GUK1: variants seen among roughly 807,000 people sequenced by gnomAD.
The protein encoded by GUK1 is guanylate kinase 1, also known as guanylate kinase.
GUK1 carries 18 observed loss-of-function variants against 25.2 expected under a neutral mutation model. That is an observed-to-expected ratio of 0.71 (90% CI 0.49 to 1.06). GUK1 has a LOEUF of 1.06. GUK1 is among the 50% of genes least tolerant of loss of function. The pLI, the probability that GUK1 is intolerant of heterozygous loss-of-function variation, is 0.00. For missense variants in GUK1, 261 were observed against 276.7 expected (o/e 0.94, Z 0.40); for synonymous variants, 105 against 117.6 (o/e 0.89, Z 0.69).
Position 228,148,752 on chromosome 1 carries a change from T to C in GUK1, c.*55T>C, listed in dbSNP as rs370109648. Reference sequence around the variant, plus strand: ...CCCATACAGGACCAGGGCAGCAGCATTGAGCCACCCCCTTGGCAGGCGATA... The same window carrying C: ...CCCATACAGGACCAGGGCAGCAGCACTGAGCCACCCCCTTGGCAGGCGATA... On this transcript the variant is annotated 3_prime_UTR_variant, in exon 9 of 9. Transcript: ENST00000312726. 6.2e-6 allele frequency: 10 copies of C among 1,611,542 alleles called. No homozygotes were observed. In the East Asian group the frequency reaches 1.1e-4, roughly 18 times the overall value.
chr1:228,145,483 T>C (rs1310357400), intron 2 of GUK1, 28 bp from the exon 2 acceptor site: 1 of 1,585,410 alleles, frequency 6.3e-7, no homozygotes, highest in East Asian at 2.3e-5. Flanking sequence ...GCCGCACTGC[T>C]ATCCACAGCC....
Position 228,147,078 on chromosome 1 carries a change from C to T in GUK1, c.251+140C>T, listed in dbSNP as rs1163391524. ...GGCCAGGTTGTGGCCCAGGGCCAGGCTCCCACGTCTGTGGCCCACAGTGGC... is the reference window on the plus strand; with the variant it reads ...GGCCAGGTTGTGGCCCAGGGCCAGGTTCCCACGTCTGTGGCCCACAGTGGC... On this transcript the variant is annotated intron_variant, in intron 5 of 8. Transcript: ENST00000312726. 7.3e-6 allele frequency: 5 copies of T among 686,420 alleles called. No individual in the cohort carries two copies. In the East Asian group the frequency reaches 1.3e-4, roughly 18 times the overall value. 42.5% of individuals were successfully genotyped at this position (686,420 alleles called of 1,614,324 possible). A position where few individuals can be genotyped will look rare whatever the true frequency, so the allele number is the denominator to read the frequency against.
chr1:228,146,279 C>T, intron 4 of GUK1: 2 of 569,460 alleles, frequency 3.5e-6, no homozygotes, highest in East Asian at 2.9e-5. Context: ...GAGAGGCCGG[C>T]CAAGGCCTGG....
intron 7 of GUK1, 89 bp from the exon 7 acceptor site, chr1:228,148,282 C>T: frequency 1.1e-6 from 1 of 939,586 alleles, no homozygotes; most frequent in Non-Finnish European, 1.7e-6. Flanking sequence ...AGGACAGCCG[C>T]AGGCCAGTGG....
chr1:228,140,624 C>G (rs557108776), intron 1 of GUK1, among the ~76,000 whole-genome samples: 30 of 152,360 alleles, frequency 2.0e-4, no homozygotes, highest in Admixed American at 5.2e-4. Flanking sequence ...CGAGCTGCTC[C>G]CCGGGCGTAT....
At chr1:228,147,008 C>A in intron 5 of GUK1, 70 bp downstream of exon 4, 1 of 1,028,996 alleles carries the variant, frequency 9.7e-7, no homozygotes, top group Non-Finnish European at 1.5e-6. Flanking sequence ...GTAGTGCCTG[C>A]TGCCTGCCCG....
rs1001675884 is a variant in GUK1 at position 228,141,223 on chromosome 1, C to T, written c.-68C>T. 6.9e-5 allele frequency: 68 copies of T among 984,984 alleles called. No individual in the cohort carries two copies. In the African/African-American group the frequency reaches 1.1e-3, roughly 16 times the overall value. 61.0% of individuals were successfully genotyped at this position (984,984 alleles called of 1,614,324 possible). A position where few individuals can be genotyped will look rare whatever the true frequency, so the allele number is the denominator to read the frequency against. On this transcript the variant is annotated 5_prime_UTR_variant, in exon 2 of 9. Transcript: ENST00000312726. ...ATGGACAGACCCAAACATAGCCGCG[C>T]AGCATCGTGAAGGGCTGGGGCCTTC...
intron 5 of GUK1, 90 bp downstream of exon 4, chr1:228,147,028 C>T (rs2034420253): frequency 3.5e-6 from 3 of 863,298 alleles, no homozygotes; most frequent in African/African-American, 3.3e-5. Context: ...GCCATCCACA[C>T]CACCCACCCC....
intron 4 of GUK1, 112 bp from the exon 4 acceptor site, chr1:228,146,730 C>A (rs2124948307): frequency 1.3e-6 from 1 of 746,526 alleles, no homozygotes; most frequent in Non-Finnish European, 2.5e-6. Context: ...CTGACTAAAG[C>A]AGTCGTGGGT....
chr1:228,141,824 T>G (rs372757693), intron 2 of GUK1: 2 of 1,190,906 alleles, frequency 1.7e-6, no homozygotes, highest in African/African-American at 3.3e-5. Flanking sequence ...ACCACGTGCC[T>G]GGCAGGTCCT....
rs749000110 is a variant in GUK1, at chr1:228,146,837, C to T, written c.155-5C>T. On this transcript the variant is annotated splice_polypyrimidine_tract_variant and splice_region_variant and intron_variant, in intron 4 of 8. Coordinates refer to ENST00000312726, the MANE Select transcript of GUK1 (RefSeq NM_000858.7). ...GCCCTCTGGATGGCCCCTCCTCTTCCCCAGATTACTACTTTGTAACCAGGG... is the reference window on the plus strand; with the variant it reads ...GCCCTCTGGATGGCCCCTCCTCTTCTCCAGATTACTACTTTGTAACCAGGG... 6.2e-7 allele frequency: 1 copy of T among 1,604,538 alleles called. No homozygotes were observed. The highest frequency in any genetic ancestry group is 1.1e-5 in the South Asian group (1 of 90,902).
chr1:228,145,451 G>A, intron 2 of GUK1, 60 bp from the exon 2 acceptor site: 7 of 1,491,694 alleles, frequency 4.7e-6, no homozygotes, highest in Non-Finnish European at 6.3e-6. Flanking sequence ...GGCAGAGGCA[G>A]CTCAGCAGAT....
At chr1:228,148,086 TC>T in intron 7 of GUK1, 1 of 582,888 alleles carries the variant, frequency 1.7e-6, no homozygotes, top group Non-Finnish European at 3.1e-6. Flanking sequence ...CATTTAATGT[TC>T]TGCTGTGTGT....
chr1:228,145,456 G>A, intron 2 of GUK1, 55 bp from the exon 2 acceptor site: 3 of 1,511,718 alleles, frequency 2.0e-6, no homozygotes, highest in Non-Finnish European at 2.7e-6. Context: ...AGGCAGCTCA[G>A]CAGATGGGGA....
Position 228,141,262 on chromosome 1 carries a change from T to C in GUK1, c.-29T>C. ...GCTGGGGCCTTCACTCCTCTGTGGC[T>C]CTGGAAGAGCCCGATTTCCTCAGGA... On this transcript the variant is annotated 5_prime_UTR_variant, in exon 2 of 9. Transcript: ENST00000312726. The C allele has an allele frequency of 1.0e-6, 1 of 985,060 alleles. No individual in the cohort carries two copies. 61.0% of individuals were successfully genotyped at this position (985,060 alleles called of 1,614,324 possible).
chr1:228,146,121 T>TG, intron 4 of GUK1, 54 bp downstream of exon 3: 1 of 1,224,598 alleles, frequency 8.2e-7, no homozygotes, highest in Admixed American at 1.7e-5. Flanking sequence ...GCAGGGCTGC[T>TG]GGGCCCTGCA....
At chr1:228,146,483 T>C (rs1313089675) in intron 4 of GUK1, 1 of 432,238 alleles carries the variant, frequency 2.3e-6, no homozygotes, top group African/African-American at 2.0e-5. Context: ...CCCAGTGGTC[T>C]CCAGTCACCC....
At chr1:228,145,844 C>G (rs535830404) in intron 3 of GUK1, 182 bp from the exon 3 acceptor site, 1 of 699,914 alleles carries the variant, frequency 1.4e-6, no homozygotes, top group South Asian at 1.8e-5. Flanking sequence ...GTACTGATAA[C>G]TGGGCCACAG....
Position 228,147,707 on chromosome 1 carries a change from T to C in GUK1, c.475+8T>C. ...AGGCCGACATGGAGAGCAGTGAGTG[T>C]GCCGTGGGATCACCAGGGAATGCCA... On this transcript the variant is annotated splice_region_variant and intron_variant, in intron 7 of 8. Coordinates refer to ENST00000312726, the MANE Select transcript of GUK1 (RefSeq NM_000858.7). 6.2e-7 allele frequency: 1 copy of C among 1,611,384 alleles called. No homozygotes were observed. The highest frequency in any genetic ancestry group is 1.1e-5 in the South Asian group (1 of 91,008).
Sources: gnomAD v4.1 joint callset for allele counts (sites outside exome capture counted in the v4.1 genomes callset) on GRCh38, gnomAD v4.1.1 for gene constraint, MANE v1.5 for transcripts, NCBI Gene and HGNC (gene_info 2026-07-23, HGNC 2026-07-21) for gene names.